Variants in SLC24A3 observed in about 807,000 individuals in gnomAD.
SLC24A3 encodes solute carrier family 24 member 3.
In SLC24A3, 28 loss-of-function variants were observed where a neutral mutation model predicts 75.8. The ratio of observed to expected loss-of-function variants is 0.37; its 90% CI spans 0.27 to 0.51. SLC24A3 has a LOEUF of 0.51. SLC24A3 is among the 20% of genes least tolerant of loss of function. The pLI, the probability that SLC24A3 is intolerant of heterozygous loss-of-function variation, is 0.94. For missense variants in SLC24A3, 663 were observed against 847.8 expected, an observed-to-expected ratio of 0.78 and a Z score of 2.71; for synonymous variants, 372 against 334.1, an observed-to-expected ratio of 1.11 and a Z score of -1.24.
At chr20:19,387,030 T>G (rs1478172040) in intron 2 of SLC24A3, among the ~76,000 whole-genome samples, 1 of 152,194 alleles carries the variant, frequency 6.6e-6, no homozygotes, top group African/African-American at 2.4e-5. Context: ...TTACTCGTTA[T>G]TGGTCTGTTG....
chr20:19,571,164 G>A (rs1305973511), intron 3 of SLC24A3, among the ~76,000 whole-genome samples: 2 of 152,108 alleles, frequency 1.3e-5, no homozygotes, highest in African/African-American at 4.8e-5. Flanking sequence ...TGTGCCCCAG[G>A]TTCCCACCTG....
At chr20:19,641,859 T>G (rs1301254247) in intron 6 of SLC24A3, among the ~76,000 whole-genome samples, 1 of 152,186 alleles carries the variant, frequency 6.6e-6, no homozygotes, top group Non-Finnish European at 1.5e-5. Flanking sequence ...TCAGAAGGTC[T>G]GGGGTAGGTG....
chr20:19,370,081 A>G (rs1403117663), intron 2 of SLC24A3, among the ~76,000 whole-genome samples: 3 of 152,094 alleles, frequency 2.0e-5, no homozygotes, highest in Non-Finnish European at 4.4e-5. Context: ...TTGTGCCTCA[A>G]TGAAAAGTTA....
chr20:19,520,901 C>A (rs1011725191), intron 3 of SLC24A3, among the ~76,000 whole-genome samples: 12 of 152,290 alleles, frequency 7.9e-5, no homozygotes, highest in African/African-American at 1.9e-4. Context: ...CCCATTGTGA[C>A]CTCTTTGCTC....
At chr20:19,354,830 G>A (rs1985647217) in intron 2 of SLC24A3, among the ~76,000 whole-genome samples, 1 of 152,096 alleles carries the variant, frequency 6.6e-6, no homozygotes, top group African/African-American at 2.4e-5. Flanking sequence ...AATGTACGAT[G>A]GTACAGCTAC....
chr20:19,351,195 G>T (rs1031812141), intron 2 of SLC24A3, among the ~76,000 whole-genome samples: 2 of 152,198 alleles, frequency 1.3e-5, no homozygotes, highest in Non-Finnish European at 2.9e-5. Flanking sequence ...CCTTGGCCTT[G>T]TCACTGCTGC....
intron 1 of SLC24A3, among the ~76,000 whole-genome samples, chr20:19,230,424 C>T (rs1385875232): frequency 6.6e-6 from 1 of 152,134 alleles, no homozygotes; most frequent in Non-Finnish European, 1.5e-5. Flanking sequence ...AGTGATAGTT[C>T]TTCCTAGTTC....
At chr20:19,703,221 C>T (rs538853649) in intron 15 of SLC24A3, among the ~76,000 whole-genome samples, 40 of 152,292 alleles carry the variant, frequency 2.6e-4, no homozygotes, top group African/African-American at 9.4e-4. Context: ...ATGCTCCCCA[C>T]ATCCTAAATC....
chr20:19,707,521 G>T (rs576141460), intron 15 of SLC24A3, among the ~76,000 whole-genome samples: 2 of 152,342 alleles, frequency 1.3e-5, no homozygotes, highest in South Asian at 4.1e-4. Context: ...CAAGGCAATG[G>T]CATGATTCAC....
intron 6 of SLC24A3, among the ~76,000 whole-genome samples, chr20:19,648,492 T>C (rs575553579): frequency 6.7e-6 from 1 of 148,154 alleles, no homozygotes; most frequent in African/African-American, 2.5e-5. Flanking sequence ...TCGAGAATAT[T>C]TGTGCCTTTT....
At chr20:19,276,042 G>A (rs969200910) in intron 1 of SLC24A3, among the ~76,000 whole-genome samples, 1 of 152,196 alleles carries the variant, frequency 6.6e-6, no homozygotes, top group Admixed American at 6.5e-5. Context: ...TTGTGGAGCG[G>A]CCTCTTTGCT....
chr20:19,542,093 G>C (rs1313686830), intron 3 of SLC24A3, among the ~76,000 whole-genome samples: 1 of 152,212 alleles, frequency 6.6e-6, no homozygotes, highest in Non-Finnish European at 1.5e-5. Context: ...GGCATTGAAA[G>C]GGGAGAGATA....
intron 2 of SLC24A3, among the ~76,000 whole-genome samples, chr20:19,411,242 G>A (rs1986740016): frequency 1.3e-5 from 2 of 152,140 alleles, no homozygotes; most frequent in South Asian, 4.1e-4. Context: ...ATCTCCCCAT[G>A]TTCCCAAATA....
chr20:19,419,588 C>T (rs181980455), intron 2 of SLC24A3, among the ~76,000 whole-genome samples: 72 of 152,150 alleles, frequency 4.7e-4, no homozygotes, highest in African/African-American at 1.6e-3. Flanking sequence ...TCATGTGGAC[C>T]GTCTCTGCAG....
chr20:19,240,153 G>T (rs1343976966), intron 1 of SLC24A3, among the ~76,000 whole-genome samples: 2 of 152,142 alleles, frequency 1.3e-5, no homozygotes, highest in African/African-American at 2.4e-5. Flanking sequence ...TTTTCCCACT[G>T]AAAATCATCA....
chr20:19,369,193 ACCTG>A (rs1315167348), intron 2 of SLC24A3, among the ~76,000 whole-genome samples: 12 of 152,216 alleles, frequency 7.9e-5, no homozygotes, highest in Non-Finnish European at 1.3e-4. Flanking sequence ...CAGTGGAGGA[ACCTG>A]GCCGCCTCCC....
chr20:19,536,280 T>C (rs1459245068), intron 3 of SLC24A3, among the ~76,000 whole-genome samples: 1 of 152,108 alleles, frequency 6.6e-6, no homozygotes, highest in Non-Finnish European at 1.5e-5. Flanking sequence ...CACAGTACAA[T>C]GTTTGATTTT....
chr20:19,450,324 A>C (rs1243299142), intron 2 of SLC24A3, among the ~76,000 whole-genome samples: 1 of 152,150 alleles, frequency 6.6e-6, no homozygotes, highest in African/African-American at 2.4e-5. Context: ...CATCCCTGGC[A>C]CTTGTTACAC....
intron 6 of SLC24A3, among the ~76,000 whole-genome samples, chr20:19,621,869 A>T (rs2031808819): frequency 6.6e-6 from 1 of 152,182 alleles, no homozygotes; most frequent in African/African-American, 2.4e-5. Context: ...TTTGTGAAAG[A>T]TCATTACTAG....
Sources: gnomAD v4.1 joint callset for allele counts (sites outside exome capture counted in the v4.1 genomes callset) on GRCh38, gnomAD v4.1.1 for gene constraint, MANE v1.5 for transcripts, NCBI Gene and HGNC (gene_info 2026-07-23, HGNC 2026-07-21) for gene names.